Variants in NUBPL observed in about 807,000 individuals in gnomAD.
The protein encoded by NUBPL is iron-sulfur cluster transfer protein NUBPL.
Under a neutral mutation model 45.7 loss-of-function variants are expected in NUBPL, and 31 were observed. The observed-to-expected ratio is 0.68, with a 90% CI of 0.51 to 0.92. The LOEUF (loss-of-function observed/expected upper bound fraction) is 0.92, where lower values mean the gene tolerates loss of function less well. Among genes scored for constraint, NUBPL ranks in the 40% least tolerant of loss-of-function variants. The probability of loss-of-function intolerance (pLI) is 0.00; values close to 1 mark genes in which losing one functional copy is unlikely to be tolerated. For synonymous variants in NUBPL, 144 were observed against 140.9 expected (o/e 1.02, Z -0.15); for missense variants, 401 against 398.7 (o/e 1.01, Z -0.05).
intron 7 of NUBPL, among the ~76,000 whole-genome samples, chr14:31,814,395 T>C (rs1201958369): frequency 6.6e-6 from 1 of 152,194 alleles, no homozygotes; most frequent in Non-Finnish European, 1.5e-5. Context: ...GTTTTTTTCT[T>C]GTAAATTTGT....
chr14:31,693,933 G>GTAAGC (rs371604562), intron 6 of NUBPL, among the ~76,000 whole-genome samples: 49 of 137,578 alleles, frequency 3.6e-4, no homozygotes, highest in African/African-American at 1.3e-3. Context: ...TGGGCTCACT[G>GTAAGC]TAAGCTCCGC....
chr14:31,566,300 TAAAC>T (rs2033431874), intron 3 of NUBPL, among the ~76,000 whole-genome samples: 3 of 152,146 alleles, frequency 2.0e-5, no homozygotes, highest in South Asian at 4.1e-4. Flanking sequence ...TGGAAACTAA[TAAAC>T]AAGATTTATA....
rs1360320300 is a variant in NUBPL at position 31,787,765 on chromosome 14, A to G, written c.514-15A>G. 26 of 1,519,454 alleles carry G rather than the reference A, an allele frequency of 1.7e-5. No homozygotes were observed. Among genetic ancestry groups the G allele is most frequent in the Non-Finnish European group, 2.4e-5 (26 of 1,093,714 alleles). 94.1% of individuals were successfully genotyped at this position (1,519,454 alleles called of 1,614,324 possible). On this transcript the variant is annotated splice_polypyrimidine_tract_variant and intron_variant, in intron 6 of 10. Transcript: ENST00000281081. ...GAATTTTTATACAATGATATAATCTATGTCATCTTTTTAGGTAGATTGGGG... is the reference window on the plus strand; with the variant it reads ...GAATTTTTATACAATGATATAATCTGTGTCATCTTTTTAGGTAGATTGGGG...
At chr14:31,747,568 C>T (rs888975463) in intron 6 of NUBPL, among the ~76,000 whole-genome samples, 2 of 152,064 alleles carry the variant, frequency 1.3e-5, no homozygotes, top group African/African-American at 4.8e-5. Flanking sequence ...GGAATTTATC[C>T]ATTTCTTCTT....
At chr14:31,702,423 C>T (rs986724102) in intron 6 of NUBPL, among the ~76,000 whole-genome samples, 4 of 152,208 alleles carry the variant, frequency 2.6e-5, no homozygotes, top group Non-Finnish European at 5.9e-5. Context: ...ATTATTACTA[C>T]ATGGCTAGCT....
At chr14:31,571,205 A>T (rs537858482) in intron 3 of NUBPL, among the ~76,000 whole-genome samples, 1 of 151,970 alleles carries the variant, frequency 6.6e-6, no homozygotes, top group Non-Finnish European at 1.5e-5. Flanking sequence ...AGGCTTCCTT[A>T]TATGGCTGTG....
chr14:31,710,638 T>C (rs1193330653), intron 6 of NUBPL, among the ~76,000 whole-genome samples: 1 of 152,180 alleles, frequency 6.6e-6, no homozygotes, highest in East Asian at 1.9e-4. Flanking sequence ...TACTGGAACC[T>C]TACCCGTGTC....
In NUBPL at chr14:31,562,187, G is replaced by A. The variant is rs1329352424; in HGVS notation, c.228G>A (p.Lys76=). The change falls in exon 2 of 11, where the codon AAG becomes AAA. Residue 76 remains lysine (K), a synonymous_variant. Transcript: ENST00000281081. ...AAGTTATAGTTGTGGCTTCTGGAAA[G>A]GGTGGAGTCGGAAAATCTACTACAG... ...VKQVIVVASG[K]GGVGKSTTAV... 4 of 1,614,084 alleles carry A rather than the reference G, an allele frequency of 2.5e-6. No homozygotes were observed. The highest frequency in any genetic ancestry group is 3.4e-6 in the Non-Finnish European group (4 of 1,179,968).
intron 8 of NUBPL, among the ~76,000 whole-genome samples, chr14:31,841,741 G>A (rs995183169): frequency 1.1e-4 from 17 of 151,876 alleles, no homozygotes; most frequent in Admixed American, 2.6e-4. Flanking sequence ...TTTTCTAAAA[G>A]TGTTATTATT....
chr14:31,840,134 C>A (rs558943767), intron 8 of NUBPL, among the ~76,000 whole-genome samples: 1 of 152,108 alleles, frequency 6.6e-6, no homozygotes. Context: ...AATCAGTTTA[C>A]GAAAGAGATA....
At chr14:31,605,925 T>C (rs563627353) in intron 4 of NUBPL, among the ~76,000 whole-genome samples, 1 of 142,028 alleles carries the variant, frequency 7.0e-6, no homozygotes, top group African/African-American at 2.6e-5. Flanking sequence ...CCTCCTCCCT[T>C]CTCCCTCCTC....
At chr14:31,677,969 T>C (rs1400445660) in intron 6 of NUBPL, among the ~76,000 whole-genome samples, 1 of 152,210 alleles carries the variant, frequency 6.6e-6, no homozygotes, top group African/African-American at 2.4e-5. Flanking sequence ...CTTAGAAGTC[T>C]ACCTGGTGTT....
At chr14:31,761,437 C>T (rs957811894) in intron 6 of NUBPL, among the ~76,000 whole-genome samples, 1 of 152,114 alleles carries the variant, frequency 6.6e-6, no homozygotes, top group Non-Finnish European at 1.5e-5. Context: ...AGCATCAATA[C>T]AGAAATATAT....
chr14:31,711,114 T>C (rs1208385120), intron 6 of NUBPL, among the ~76,000 whole-genome samples: 1 of 152,188 alleles, frequency 6.6e-6, no homozygotes, highest in Non-Finnish European at 1.5e-5. Flanking sequence ...TGAGTCTCGC[T>C]TGGGCGACAT....
intron 4 of NUBPL, among the ~76,000 whole-genome samples, chr14:31,630,905 A>G (rs1170362073): frequency 4.0e-5 from 6 of 151,124 alleles, no homozygotes; most frequent in African/African-American, 1.5e-4. Flanking sequence ...TCATGTGAAA[A>G]CTCCACAGGA....
chr14:31,761,721 T>C (rs2038813779), intron 6 of NUBPL, among the ~76,000 whole-genome samples: 1 of 152,194 alleles, frequency 6.6e-6, no homozygotes, highest in Non-Finnish European at 1.5e-5. Context: ...TTCGTAGTAT[T>C]GAGTGACAGT....
At chr14:31,673,616 C>A in intron 6 of NUBPL, 42 bp downstream of exon 6, 1 of 1,521,820 alleles carries the variant, frequency 6.6e-7, no homozygotes, top group Non-Finnish European at 9.1e-7. Context: ...ATTGGCAAAG[C>A]TGTGGTTAAT....
At chr14:31,596,118 G>A (rs1384443427) in intron 3 of NUBPL, among the ~76,000 whole-genome samples, 1 of 151,968 alleles carries the variant, frequency 6.6e-6, no homozygotes, top group Non-Finnish European at 1.5e-5. Context: ...ATGTTAGCCA[G>A]GATGATTTTG....
At chr14:31,760,757 T>C (rs1199365260) in intron 6 of NUBPL, among the ~76,000 whole-genome samples, 1 of 3,840 alleles carries the variant, frequency 2.6e-4, no homozygotes, top group East Asian at 0.014. Flanking sequence ...TATTGTGTCA[T>C]ATATTGATTA....
Sources: gnomAD v4.1 joint callset for allele counts (sites outside exome capture counted in the v4.1 genomes callset) on GRCh38, gnomAD v4.1.1 for gene constraint, MANE v1.5 for transcripts, NCBI Gene and HGNC (gene_info 2026-07-23, HGNC 2026-07-21) for gene names.